CCDC25: variants seen among roughly 807,000 people sequenced by gnomAD.
CCDC25 encodes the protein coiled-coil domain-containing protein 25.
Under a neutral mutation model 35.3 loss-of-function variants are expected in CCDC25, and 16 were observed. That is an observed-to-expected ratio of 0.45 (90% confidence interval 0.31 to 0.69). The LOEUF (loss-of-function observed/expected upper bound fraction) is 0.69, where lower values mean the gene tolerates loss of function less well. CCDC25 is among the 30% of genes least tolerant of loss of function. The pLI is 0.06. For missense variants in CCDC25, 179 were observed against 250.7 expected (o/e 0.71, Z 1.93); for synonymous variants, 79 against 80.3 (o/e 0.98, Z 0.09).
At chr8:27,740,966 C>T (rs557752944) in intron 7 of CCDC25, among the ~76,000 whole-genome samples, 12 of 152,276 alleles carry the variant, frequency 7.9e-5, no homozygotes, top group African/African-American at 2.4e-4. Context: ...GGAACCCAAA[C>T]CAAGCCAATC....
In CCDC25 at chr8:27,752,525, G is replaced by T; in HGVS notation, c.231C>A (p.Ala77=). ...VLMDCAHLVK[A]NSIQGCKMNN... is the part of the protein sequence containing the mutation. ...AGGAAAACTGACCTTGAATGCTATT[G>T]GCCTTCACAAGGTGGGCACAGTCCA... Residue 77 remains alanine (A), a synonymous_variant, in exon 5 of 9, where the codon GCC becomes GCA. Transcript: ENST00000356537. 6.2e-7 allele frequency: 1 copy of T among 1,612,688 alleles called. No homozygotes were observed. Among genetic ancestry groups the T allele is most frequent in the Non-Finnish European group, 8.5e-7 (1 of 1,178,898 alleles).
chr8:27,749,190 G>A (rs147750171), intron 5 of CCDC25, among the ~76,000 whole-genome samples: 2 of 152,310 alleles, frequency 1.3e-5, no homozygotes, highest in East Asian at 1.9e-4. Flanking sequence ...GATGGAAGGA[G>A]TGCCAGGTAC....
intron 1 of CCDC25, among the ~76,000 whole-genome samples, chr8:27,769,124 T>A (rs183270160): frequency 2.1e-4 from 32 of 152,376 alleles, no homozygotes; most frequent in African/African-American, 7.5e-4. Context: ...AGATTCTATA[T>A]ATTTGTTGTT....
chr8:27,748,395 A>G, intron 6 of CCDC25, 100 bp downstream of exon 6: 1 of 1,314,282 alleles, frequency 7.6e-7, no homozygotes, highest in East Asian at 2.3e-5. Flanking sequence ...GAAAACATAT[A>G]TCATGCTCAG....
intron 8 of CCDC25, among the ~76,000 whole-genome samples, chr8:27,739,095 C>A (rs1803351151): frequency 1.3e-5 from 2 of 152,060 alleles, no homozygotes; most frequent in South Asian, 4.1e-4. Flanking sequence ...AGGATCTAAC[C>A]CAACCACTGT....
Position 27,756,589 on chromosome 8 carries a change from T to C in CCDC25, c.168+130A>G, listed in dbSNP as rs994474914. 4 of 646,880 alleles carry C rather than the reference T, an allele frequency of 6.2e-6. No homozygotes were observed. The African/African-American group carries it at 7.3e-5, about 12-fold the overall frequency. 40.1% of individuals were successfully genotyped at this position (646,880 alleles called of 1,614,324 possible). On this transcript the variant is annotated intron_variant, in intron 4 of 8. Transcript: ENST00000356537. ...TTTTCTGGGTCAGAGGGAAGACACG[T>C]CTTCATTTGTTAACTTTTAGATTTG...
chr8:27,759,536 G>A (rs1202829981), intron 3 of CCDC25, among the ~76,000 whole-genome samples: 2 of 151,276 alleles, frequency 1.3e-5, no homozygotes, highest in African/African-American at 2.4e-5. Context: ...TTGAACCCGG[G>A]AGGTGGAGGT....
At chr8:27,744,250 C>T (rs1803532690) in intron 7 of CCDC25, among the ~76,000 whole-genome samples, 1 of 152,092 alleles carries the variant, frequency 6.6e-6, no homozygotes, top group South Asian at 2.1e-4. Flanking sequence ...ATAAAAATTA[C>T]TTTAAAATTG....
intron 1 of CCDC25, among the ~76,000 whole-genome samples, chr8:27,769,908 G>A (rs902635784): frequency 6.6e-6 from 1 of 152,212 alleles, no homozygotes; most frequent in East Asian, 1.9e-4. Context: ...TTGGAAGGCC[G>A]AGGCGGGTGG....
Position 27,736,021 on chromosome 8 carries a change from T to C in CCDC25, c.*195A>G. On this transcript the variant is annotated 3_prime_UTR_variant, in exon 9 of 9. Coordinates refer to ENST00000356537, the MANE Select transcript of CCDC25 (RefSeq NM_018246.3). The stretch of plus-strand genomic sequence containing the variant: ...AGTTATATGCTGTCAAGTTCAACTA[T>C]TTTATACATATCTGATCCTTTTCTG... 1.9e-6 allele frequency: 1 copy of C among 532,386 alleles called. No homozygotes were observed. Among genetic ancestry groups the C allele is most frequent in the Non-Finnish European group, 3.3e-6 (1 of 301,218 alleles). The allele number at this position is 532,386 out of a possible 1,614,324, so 33.0% of individuals were successfully genotyped here.
intron 2 of CCDC25, among the ~76,000 whole-genome samples, chr8:27,762,837 CTTCT>C (rs1804272699): frequency 6.6e-6 from 1 of 151,982 alleles, no homozygotes; most frequent in African/African-American, 2.4e-5. Context: ...AAATATTTTA[CTTCT>C]TTAAGAAAAA....
At chr8:27,764,799 A>G (rs1437891153) in intron 2 of CCDC25, among the ~76,000 whole-genome samples, 1 of 152,166 alleles carries the variant, frequency 6.6e-6, no homozygotes. Context: ...ACTATCTCTG[A>G]TCTGTCTACT....
chr8:27,742,339 A>G (rs1490359328), intron 7 of CCDC25, among the ~76,000 whole-genome samples: 2 of 124,888 alleles, frequency 1.6e-5, no homozygotes, highest in East Asian at 6.0e-4. Flanking sequence ...GAATTAAAAC[A>G]AAACAAAAAC....
chr8:27,759,017 G>A (rs1804118278), intron 3 of CCDC25, among the ~76,000 whole-genome samples: 2 of 151,916 alleles, frequency 1.3e-5, no homozygotes, highest in Non-Finnish European at 2.9e-5. Flanking sequence ...AAACTATCTT[G>A]AGCGAGTTTC....
At chr8:27,745,064 G>C (rs1803560251) in intron 7 of CCDC25, among the ~76,000 whole-genome samples, 1 of 152,046 alleles carries the variant, frequency 6.6e-6, no homozygotes, top group African/African-American at 2.4e-5. Flanking sequence ...GGAATGCAGT[G>C]AGCTCACTGC....
intron 5 of CCDC25, among the ~76,000 whole-genome samples, chr8:27,751,494 T>A (rs1266453319): frequency 6.6e-6 from 1 of 152,188 alleles, no homozygotes; most frequent in Non-Finnish European, 1.5e-5. Context: ...GGAAGCGCAG[T>A]CGGGGAAAGG....
At position 27,740,420 on chromosome 8, in the gene CCDC25, C is replaced by A. The variant is rs1803395496; in HGVS notation, c.597+52G>T. The A allele has an allele frequency of 4.5e-6, 7 of 1,549,738 alleles. No homozygotes were observed. In the South Asian group the frequency reaches 8.2e-5, roughly 18 times the overall value. ...TGGCCAGTAACACAATTATTAAAAA[C>A]CCTTAGTGAATTATTTCAAGGCAAA... On this transcript the variant is annotated intron_variant, in intron 8 of 8. Transcript: ENST00000356537.
At chr8:27,747,987 C>T (rs934783087) in intron 7 of CCDC25, 90 bp downstream of exon 7, 1 of 1,286,478 alleles carries the variant, frequency 7.8e-7, no homozygotes, top group Non-Finnish European at 1.1e-6. Flanking sequence ...CCTCCTTCCA[C>T]CAATATATCG....
intron 8 of CCDC25, among the ~76,000 whole-genome samples, chr8:27,739,559 A>T (rs1803366460): frequency 6.6e-6 from 1 of 152,140 alleles, no homozygotes; most frequent in Admixed American, 6.5e-5. Flanking sequence ...ACAGTATAAC[A>T]ACTATTTACA....
Sources: allele counts gnomAD v4.1 joint callset (sites outside exome capture counted in the v4.1 genomes callset), GRCh38; gene constraint gnomAD v4.1.1; transcripts MANE v1.5; gene names NCBI Gene and HGNC (gene_info 2026-07-23, HGNC 2026-07-21).